Variants in FCHO1 observed in about 807,000 individuals in gnomAD.
FCHO1 encodes the protein F-BAR domain only protein 1.
Under a neutral mutation model 114.4 loss-of-function variants are expected in FCHO1, and 45 were observed. That is an observed-to-expected ratio of 0.39 (90% CI 0.31 to 0.50). FCHO1 has a LOEUF of 0.50. FCHO1 is among the 20% of genes least tolerant of loss of function. The pLI is 0.77. For missense variants in FCHO1, 1,042 were observed against 1,209.6 expected (o/e 0.86, Z 2.06); for synonymous variants, 480 against 488.9 (o/e 0.98, Z 0.24).
intron 24 of FCHO1, 55 bp downstream of exon 24, chr19:17,783,227 C>G: frequency 6.4e-7 from 1 of 1,551,506 alleles, no homozygotes; most frequent in Non-Finnish European, 8.7e-7. Context: ...GATCAGGCTT[C>G]CGGACTCTGA....
Position 17,788,380 on chromosome 19 carries a change from A to G in FCHO1, c.*74A>G, listed in dbSNP as rs1201429690. 1 of 1,162,994 alleles carries G rather than the reference A, an allele frequency of 8.6e-7. No individual in the cohort carries two copies. The highest frequency in any genetic ancestry group is 1.5e-5 in the African/African-American group (1 of 65,816). The allele number at this position is 1,162,994 out of a possible 1,614,324, so 72.0% of individuals were successfully genotyped here. A position where few individuals can be genotyped will look rare whatever the true frequency, so the allele number is the denominator to read the frequency against. ...TGACCACCCCCTGCCCTCCTGCCGG[A>G]CCCTGGGGCCTCCCACCCCAGCCTC... On this transcript the variant is annotated 3_prime_UTR_variant, in exon 29 of 29. Transcript: ENST00000596536.
In FCHO1 at chr19:17,772,729, C is replaced by A. The variant is rs145070739; in HGVS notation, c.778C>A (p.Arg260=). 6.2e-7 allele frequency: 1 copy of A among 1,614,042 alleles called. No homozygotes were observed. The highest frequency in any genetic ancestry group is 1.1e-5 in the South Asian group (1 of 91,068). The change falls in exon 11 of 29, where the codon CGG becomes AGG. Residue 260 remains arginine (R), a synonymous_variant. Transcript: ENST00000596536. ...GTTTGCAGAGAGTAAGGGCACAGGC[C>A]GGGAGAAGCCTGGTGAGTCAGGGCA... The part of the protein sequence containing the change: ...RKFAESKGTG[R]EKPGPLDFEA...
In FCHO1 at chr19:17,766,829, G is replaced by A. The variant is rs1186896408; in HGVS notation, c.336+19G>A. 1.2e-6 allele frequency: 2 copies of A among 1,604,776 alleles called. No homozygotes were observed. The highest frequency in any genetic ancestry group is 1.7e-6 in the Non-Finnish European group (2 of 1,172,594). On this transcript the variant is annotated intron_variant, in intron 7 of 28. Transcript: ENST00000596536. The stretch of plus-strand genomic sequence containing the variant: ...CAAGAAGGTGTGTGTCGTGGGCGCC[G>A]CCCAGCGGCTGGGTGGGTGTGGAAC...
Position 17,762,847 on chromosome 19 carries a change from G to A in FCHO1, c.113G>A (p.Arg38Gln), listed in dbSNP as rs200839173. The A allele has an allele frequency of 6.2e-7, 1 of 1,610,730 alleles. No homozygotes were observed. The highest frequency in any genetic ancestry group is 1.7e-5 in the Admixed American group (1 of 60,002). ...ISTKELADFI[R>Q]ERATIEETYS... ...ACCAAGGAGCTGGCGGACTTCATCC[G>A]GGAGAGGTGAGGTCCCCAAGCCCCA... Residue 38 changes from arginine (R) to glutamine (Q), a missense_variant, in exon 5 of 29, where the codon CGG (arginine) becomes CAG (glutamine). Arg to Gln is a conservative substitution (Grantham distance 43). Transcript: ENST00000596536.
chr19:17,778,526 G>A, intron 19 of FCHO1, 83 bp from the exon 20 acceptor site: 1 of 1,435,922 alleles, frequency 7.0e-7, no homozygotes, highest in East Asian at 2.5e-5. Context: ...ACCTTCCCTC[G>A]ACGTGGCCGT....
intron 11 of FCHO1, 146 bp from the exon 12 acceptor site, chr19:17,774,091 CAG>C (rs2092242847): frequency 1.5e-6 from 1 of 674,478 alleles, no homozygotes; most frequent in Admixed American, 2.4e-5. Context: ...GTAATTTTAG[CAG>C]AGACAGGGTT....
chr19:17,748,883 CAT>C (rs1282311571), upstream of FCHO1, among the ~76,000 whole-genome samples: 1 of 152,202 alleles, frequency 6.6e-6, no homozygotes, highest in East Asian at 1.9e-4. Context: ...TTTTGCTTAA[CAT>C]GTGGGTGGTT....
At chr19:17,764,172 TG>T (rs1304084643) in intron 5 of FCHO1, among the ~76,000 whole-genome samples, 3 of 151,952 alleles carry the variant, frequency 2.0e-5, no homozygotes, top group Non-Finnish European at 4.4e-5. Context: ...CCCCAGTAGC[TG>T]GGAATTACAG....
intron 4 of FCHO1, chr19:17,758,816 T>C (rs940132910): frequency 6.6e-6 from 1 of 151,600 alleles, no homozygotes; most frequent in African/African-American, 2.4e-5. Context: ...CTACTAAAAA[T>C]AAAAAAAACT....
At chr19:17,782,904 C>T in intron 23 of FCHO1, 113 bp from the exon 24 acceptor site, 1 of 1,215,728 alleles carries the variant, frequency 8.2e-7, no homozygotes, top group Non-Finnish European at 1.2e-6. Context: ...GGGCCATCCT[C>T]CTAGATCCGA....
In FCHO1 at chr19:17,776,071, C is replaced by T. The variant is rs775217024; in HGVS notation, c.1092C>T (p.Ala364=). ...PRKFYVHIKP[A]PARAPACSPE... ...AGTTCTATGTGCACATCAAGCCTGCCCCGGCCCGGGCTCCAGCCTGCAGCC... is the reference window on the plus strand; with the variant it reads ...AGTTCTATGTGCACATCAAGCCTGCTCCGGCCCGGGCTCCAGCCTGCAGCC... The change falls in exon 16 of 29, where the codon GCC becomes GCT. Residue 364 remains alanine, a synonymous_variant. Transcript: ENST00000596536. This position sits in a 1 kb window ranked among gnomAD's most constrained non-coding sequence, Gnocchi z 4.4. The T allele has an allele frequency of 1.2e-6, 2 of 1,611,602 alleles. No homozygotes were observed. The highest frequency in any genetic ancestry group is 1.7e-5 in the Admixed American group (1 of 60,016).
Position 17,776,192 on chromosome 19 carries a change from G to A in FCHO1, c.1182+31G>A, listed in dbSNP as rs778953488. The stretch of plus-strand genomic sequence containing the variant: ...GCGTGGGAGGGGTGCCCTGGGTGTT[G>A]CTAGAGAGGCTGGCTGGATGCATTC... On this transcript the variant is annotated intron_variant, in intron 16 of 28. Transcript: ENST00000596536. The surrounding 1 kb of genome is among the most constrained non-coding windows in gnomAD (Gnocchi z 4.4). 6.2e-7 allele frequency: 1 copy of A among 1,613,968 alleles called. No homozygotes were observed. Among genetic ancestry groups the A allele is most frequent in the East Asian group, 2.2e-5 (1 of 44,886 alleles).
rs760522252 is a variant in FCHO1 at position 17,775,985 on chromosome 19, A to C, written c.1006A>C (p.Thr336Pro). ...CTTGGACCTTGACTGCAGCCCACGC[A>C]CGGCCGAGCCCTCCCGTTTCTCGTC... is the stretch of plus-strand genomic sequence containing the variant. ...TVRPDVTQNS[T>P]AEPSRFSSSD... The change falls in exon 16 of 29, where the codon ACG (threonine) becomes CCG (proline). Residue 336 changes from threonine to proline, a missense_variant and splice_region_variant. Transcript: ENST00000596536. The surrounding 1 kb of genome is among the most constrained non-coding windows in gnomAD (Gnocchi z 5.1). 19 of 1,606,516 alleles carry C rather than the reference A, an allele frequency of 1.2e-5. No individual in the cohort carries two copies. Among genetic ancestry groups the C allele is most frequent in the Non-Finnish European group, 1.4e-5 (16 of 1,179,796 alleles).
upstream of FCHO1, among the ~76,000 whole-genome samples, chr19:17,748,252 C>A (rs1004488576): frequency 1.3e-5 from 2 of 152,146 alleles, no homozygotes; most frequent in African/African-American, 4.8e-5. Flanking sequence ...GGGACCGAGA[C>A]GAGGGACCCC....
At position 17,775,585 on chromosome 19, in the gene FCHO1, AC is replaced by A; in HGVS notation, c.1003+74del. ...CAAAATTCTCCGTAATAACCAGTCC[AC>A]CTTCAGCAGTCCTCTCTGTGTACAT... On this transcript the variant is annotated intron_variant, in intron 15 of 28. Coordinates refer to ENST00000596536, the MANE Select transcript of FCHO1 (RefSeq NM_015122.3). This position sits in a 1 kb window ranked among gnomAD's most constrained non-coding sequence, Gnocchi z 5.1. 1 of 1,371,978 alleles carries A rather than the reference AC, an allele frequency of 7.3e-7. No individual in the cohort carries two copies. The highest frequency in any genetic ancestry group is 1.2e-5 in the South Asian group (1 of 86,104). 85.0% of individuals were successfully genotyped at this position (1,371,978 alleles called of 1,614,324 possible). A position where few individuals can be genotyped will look rare whatever the true frequency, so the allele number is the denominator to read the frequency against.
Position 17,775,878 on chromosome 19 carries a change from G to T in FCHO1, c.1004-105G>T, listed in dbSNP as rs1599717251. The T allele has an allele frequency of 7.3e-7, 1 of 1,374,950 alleles. No homozygotes were observed. Among genetic ancestry groups the T allele is most frequent in the East Asian group, 2.3e-5 (1 of 42,600 alleles). 85.2% of individuals were successfully genotyped at this position (1,374,950 alleles called of 1,614,324 possible). A position where few individuals can be genotyped will look rare whatever the true frequency, so the allele number is the denominator to read the frequency against. On this transcript the variant is annotated intron_variant, in intron 15 of 28. Coordinates refer to ENST00000596536, the MANE Select transcript of FCHO1 (RefSeq NM_015122.3). This position sits in a 1 kb window ranked among gnomAD's most constrained non-coding sequence, Gnocchi z 5.1. ...TGGCGCGTGGTGAGCGATGGGATTG[G>T]GCAGGACCTCGAAGGGTTTGAGCAG...
At chr19:17,781,165 G>A (rs1599759321) in intron 20 of FCHO1, 66 bp from the exon 21 acceptor site, 1 of 1,160,148 alleles carries the variant, frequency 8.6e-7, no homozygotes, top group Non-Finnish European at 1.2e-6. Context: ...CTGAGTTTGT[G>A]CCCCTGGGGA....
intron 4 of FCHO1, 99 bp downstream of exon 4, chr19:17,755,290 AG>A (rs914363605): frequency 1.0e-4 from 113 of 1,094,278 alleles, no homozygotes; most frequent in Middle Eastern, 2.4e-4. Flanking sequence ...AGCCTTGGAC[AG>A]GTAGAGGATC....
chr19:17,778,380 A>C (rs2092920141), intron 19 of FCHO1, 152 bp downstream of exon 19: 3 of 705,792 alleles, frequency 4.3e-6, no homozygotes, highest in Middle Eastern at 4.0e-4. Flanking sequence ...TGCGCGTGGG[A>C]GGGGCCATAG....
Sources: allele counts gnomAD v4.1 joint callset (sites outside exome capture counted in the v4.1 genomes callset), GRCh38; gene constraint gnomAD v4.1.1; non-coding constraint Gnocchi (gnomAD v3.1); transcripts MANE v1.5; gene names NCBI Gene and HGNC (gene_info 2026-07-23, HGNC 2026-07-21).